The following COL8A1 variants were observed in gnomAD, a reference collection of about 807,000 sequenced individuals.
COL8A1 encodes collagen alpha-1(VIII) chain.
Under a neutral mutation model 42.7 loss-of-function variants are expected in COL8A1, and 21 were observed. The observed-to-expected ratio is 0.49, with a 90% CI of 0.35 to 0.71. COL8A1 has a LOEUF of 0.71. Among genes scored for constraint, COL8A1 ranks in the 30% least tolerant of loss-of-function variants. The probability of loss-of-function intolerance (pLI) is 0.01; values close to 1 mark genes in which losing one functional copy is unlikely to be tolerated. For missense variants in COL8A1, 788 were observed against 962.4 expected (o/e 0.82, Z 2.40); for synonymous variants, 367 against 369.1 (o/e 0.99, Z 0.06).
At chr3:99,739,052 C>T (rs944370523) in intron 1 of COL8A1, among the ~76,000 whole-genome samples, 23 of 152,316 alleles carry the variant, frequency 1.5e-4, no homozygotes, top group African/African-American at 5.1e-4. Context: ...TTGCGCTTCC[C>T]AAGTGAGGCA....
intron 2 of COL8A1, among the ~76,000 whole-genome samples, chr3:99,767,449 CT>C (rs1229868453): frequency 6.6e-6 from 1 of 152,150 alleles, no homozygotes; most frequent in Non-Finnish European, 1.5e-5. Flanking sequence ...TTTATCTTTT[CT>C]TCAGGAACAG....
At chr3:99,775,406 C>T (rs1941675825) in intron 2 of COL8A1, among the ~76,000 whole-genome samples, 1 of 152,144 alleles carries the variant, frequency 6.6e-6, no homozygotes, top group Non-Finnish European at 1.5e-5. Context: ...GAAAAGAGGG[C>T]TGGGGTCCAA....
chr3:99,676,707 G>T (rs1272997873), intron 1 of COL8A1, among the ~76,000 whole-genome samples: 1 of 152,000 alleles, frequency 6.6e-6, no homozygotes, highest in Non-Finnish European at 1.5e-5. Flanking sequence ...CCTATTGTGT[G>T]TATTAAGGTA....
intron 2 of COL8A1, among the ~76,000 whole-genome samples, chr3:99,764,584 G>A (rs946039411): frequency 2.0e-5 from 3 of 152,020 alleles, no homozygotes; most frequent in African/African-American, 4.8e-5. Flanking sequence ...CTTACTGACT[G>A]TAGGATTTTT....
intron 1 of COL8A1, among the ~76,000 whole-genome samples, chr3:99,694,800 G>C (rs1939322683): frequency 1.3e-5 from 2 of 152,136 alleles, no homozygotes. Flanking sequence ...AAGATTAGGT[G>C]ATTTACAAAG....
At chr3:99,730,165 A>T (rs1940459309) in intron 1 of COL8A1, among the ~76,000 whole-genome samples, 1 of 152,082 alleles carries the variant, frequency 6.6e-6, no homozygotes, top group African/African-American at 2.4e-5. Flanking sequence ...CATTGCCTTT[A>T]TTCATTTACT....
rs369150313 is a variant in COL8A1 at position 99,654,012 on chromosome 3, C to T, written c.-129+15348C>T. On this transcript the variant is annotated intron_variant, in intron 1 of 3. Coordinates refer to ENST00000652472, the MANE Select transcript of COL8A1 (RefSeq NM_020351.4). ...TCCCAAAACCTCAAAAGTAGGGAGG[C>T]GGACAGTGCAGCCTTCAGTCTGTGG... Among the ~76,000 whole-genome samples the T allele has an allele frequency of 4.9e-3, 748 of 152,246 alleles. 7 individuals carry two copies. Among genetic ancestry groups the T allele is most frequent in the African/African-American group, 0.017 (690 of 41,530 alleles).
intron 1 of COL8A1, among the ~76,000 whole-genome samples, chr3:99,651,985 T>G (rs1463215555): frequency 6.6e-6 from 1 of 152,246 alleles, no homozygotes; most frequent in Non-Finnish European, 1.5e-5. Context: ...CTCTGCCTTG[T>G]AAAATGTTTA....
intron 2 of COL8A1, among the ~76,000 whole-genome samples, chr3:99,780,369 A>G (rs969188947): frequency 1.3e-5 from 2 of 152,052 alleles, no homozygotes; most frequent in South Asian, 2.1e-4. Flanking sequence ...TTCATCACAA[A>G]CTCTAGTCAG....
intron 1 of COL8A1, among the ~76,000 whole-genome samples, chr3:99,733,120 T>A (rs1210880455): frequency 1.1e-5 from 1 of 89,994 alleles, no homozygotes; most frequent in Non-Finnish European, 2.2e-5. Context: ...GCTTTTTTCT[T>A]TTTTTTTTTT....
intron 2 of COL8A1, among the ~76,000 whole-genome samples, chr3:99,780,148 T>G: frequency 6.6e-6 from 1 of 152,184 alleles, no homozygotes; most frequent in East Asian, 1.9e-4. Context: ...GTATCTATAT[T>G]AGACACTGTT....
intron 1 of COL8A1, among the ~76,000 whole-genome samples, chr3:99,661,783 T>G (rs28821834): frequency 0.034 from 5,214 of 152,268 alleles, 144 homozygotes; most frequent in East Asian, 0.063. Flanking sequence ...TAAATATTAT[T>G]CAACCGAAGA....
In COL8A1 at chr3:99,794,945, A is replaced by G. The variant is rs781760014; in HGVS notation, c.1044A>G (p.Pro348=). 9 of 1,594,302 alleles carry G rather than the reference A, an allele frequency of 5.6e-6. 1 individual carries two copies. In the South Asian group the frequency reaches 1.0e-4, roughly 18 times the overall value. The part of the protein sequence containing the change: ...LPGLPGPPGL[P]GIGKPGFPGP... ...GGCTACCAGGACCCCCAGGCCTTCCAGGGATTGGGAAACCAGGCTTCCCAG... is the reference window on the plus strand; with the variant it reads ...GGCTACCAGGACCCCCAGGCCTTCCGGGGATTGGGAAACCAGGCTTCCCAG... Residue 348 remains proline (P), a synonymous_variant, in exon 4 of 4, where the codon CCA becomes CCG. Transcript: ENST00000652472. The surrounding 1 kb of genome is among the most constrained non-coding windows in gnomAD (Gnocchi z 4.3).
intron 1 of COL8A1, among the ~76,000 whole-genome samples, chr3:99,734,662 A>T (rs1372619350): frequency 6.6e-6 from 1 of 151,980 alleles, no homozygotes; most frequent in East Asian, 1.9e-4. Flanking sequence ...TGAACTTTAA[A>T]GTAGTTTTTT....
intron 1 of COL8A1, among the ~76,000 whole-genome samples, chr3:99,665,333 T>G (rs1234907198): frequency 2.0e-5 from 3 of 152,242 alleles, no homozygotes; most frequent in Non-Finnish European, 2.9e-5. Flanking sequence ...ATGGTTTTAG[T>G]CTCCAACTTT....
At chr3:99,763,453 T>C (rs914832452) in intron 2 of COL8A1, among the ~76,000 whole-genome samples, 3 of 152,144 alleles carry the variant, frequency 2.0e-5, no homozygotes, top group Admixed American at 6.6e-5. Flanking sequence ...CCAGTAATGA[T>C]AACAATAATA....
At chr3:99,673,437 G>A (rs1339137838) in intron 1 of COL8A1, among the ~76,000 whole-genome samples, 2 of 151,950 alleles carry the variant, frequency 1.3e-5, no homozygotes, top group African/African-American at 4.8e-5. Flanking sequence ...AATCCATTAT[G>A]GGACTATCAC....
chr3:99,742,605 C>T (rs1052630590), intron 1 of COL8A1, among the ~76,000 whole-genome samples: 2 of 152,074 alleles, frequency 1.3e-5, no homozygotes, highest in African/African-American at 4.8e-5. Flanking sequence ...AGAAAAGAAC[C>T]TCTTTTAAAA....
intron 1 of COL8A1, among the ~76,000 whole-genome samples, chr3:99,692,443 G>A (rs1486260956): frequency 1.3e-5 from 2 of 152,144 alleles, no homozygotes; most frequent in Admixed American, 1.3e-4. Context: ...TTTTGCCTTG[G>A]GGCAATCTTT....
Sources: gnomAD v4.1 joint callset for allele counts (sites outside exome capture counted in the v4.1 genomes callset) on GRCh38, gnomAD v4.1.1 for gene constraint, Gnocchi (gnomAD v3.1) non-coding constraint, MANE v1.5 for transcripts, NCBI Gene and HGNC (gene_info 2026-07-23, HGNC 2026-07-21) for gene names.